The following MAP2K5 variants were observed in gnomAD, a reference collection of about 807,000 sequenced individuals.
MAP2K5 encodes dual specificity mitogen-activated protein kinase kinase 5.
In MAP2K5, 49 loss-of-function variants were observed where a neutral mutation model predicts 83.1. The ratio of observed to expected loss-of-function variants is 0.59; its 90% confidence interval spans 0.47 to 0.75. MAP2K5 has a LOEUF of 0.75. Among genes scored for constraint, MAP2K5 ranks in the 30% least tolerant of loss-of-function variants. The pLI, the probability that MAP2K5 is intolerant of heterozygous loss-of-function variation, is 0.00. For missense variants in MAP2K5, 457 were observed against 557.5 expected (o/e 0.82, Z 1.82); for synonymous variants, 202 against 191.8 (o/e 1.05, Z -0.44).
At chr15:67,643,892 A>G (rs1460691093) in intron 9 of MAP2K5, among the ~76,000 whole-genome samples, 27 of 152,216 alleles carry the variant, frequency 1.8e-4, no homozygotes, top group Admixed American at 1.7e-3. Flanking sequence ...TTTATAATGC[A>G]TAACTTATGC....
rs532498409 is a variant in MAP2K5, at chr15:67,781,206, G to A, written c.1242+8454G>A. On this transcript the variant is annotated intron_variant, in intron 21 of 21. Transcript: ENST00000178640. The surrounding 1 kb of genome is among the most constrained non-coding windows in gnomAD (Gnocchi z 4.0). ...GGGAATTGCTGTTGAAGGTAGCAAA[G>A]TTGTTTTCCTGTGAGTACACACCGA... is the stretch of plus-strand genomic sequence containing the variant. Among the ~76,000 whole-genome samples, 15 of 152,332 alleles carry A rather than the reference G, an allele frequency of 9.8e-5. No individual in the cohort carries two copies. The South Asian group carries it at 3.1e-3, about 32-fold the overall frequency.
In MAP2K5 at chr15:67,761,892, T is replaced by G. The variant is rs368087520; in HGVS notation, c.1135-7710T>G. Reference sequence around the variant, plus strand: ...ACCAGCTGAAATGCCAGTGTGTATATTAACATTATAATTTAGGTACTGGAT... The same window carrying G: ...ACCAGCTGAAATGCCAGTGTGTATAGTAACATTATAATTTAGGTACTGGAT... On this transcript the variant is annotated intron_variant, in intron 19 of 21. Coordinates refer to ENST00000178640, the MANE Select transcript of MAP2K5 (RefSeq NM_145160.3). Among the ~76,000 whole-genome samples the G allele has an allele frequency of 7.9e-5, 12 of 152,346 alleles. 1 individual carries two copies. In the East Asian group the frequency reaches 2.3e-3, roughly 29 times the overall value.
chr15:67,744,291 A>G (rs1001387694), intron 17 of MAP2K5, among the ~76,000 whole-genome samples: 2 of 152,266 alleles, frequency 1.3e-5, no homozygotes, highest in African/African-American at 2.4e-5. Context: ...AGAGCTCAAC[A>G]TTGAAAGCTA....
chr15:67,704,762 A>G (rs1167421109), intron 16 of MAP2K5, among the ~76,000 whole-genome samples: 1 of 152,216 alleles, frequency 6.6e-6, no homozygotes, highest in Non-Finnish European at 1.5e-5. Flanking sequence ...TTCAGGGGAA[A>G]CTAGTGTTTT....
In MAP2K5 at chr15:67,734,241, G is replaced by T. The variant is rs2089289870; in HGVS notation, c.1074+6296G>T. Among the ~76,000 whole-genome samples, 3 of 152,144 alleles carry T rather than the reference G, an allele frequency of 2.0e-5. No individual in the cohort carries two copies. The South Asian group carries it at 6.2e-4, about 32-fold the overall frequency. On this transcript the variant is annotated intron_variant, in intron 17 of 21. Coordinates refer to ENST00000178640, the MANE Select transcript of MAP2K5 (RefSeq NM_145160.3). ...TGATCCTTGTATTAACATGATCTAA[G>T]GTCCTTTTTATTATATGCAATCCAT...
intron 5 of MAP2K5, 46 bp from the exon 6 acceptor site, chr15:67,586,800 T>G (rs1263248819): frequency 6.4e-7 from 1 of 1,552,490 alleles, no homozygotes; most frequent in Middle Eastern, 1.7e-4. Context: ...ATTAGAACTG[T>G]GTCCTCAGAA....
At chr15:67,660,414 A>G (rs2087207487) in intron 12 of MAP2K5, among the ~76,000 whole-genome samples, 2 of 152,136 alleles carry the variant, frequency 1.3e-5, no homozygotes, top group Non-Finnish European at 2.9e-5. Context: ...AAGACTAGCA[A>G]ATTGATGGGC....
intron 8 of MAP2K5, among the ~76,000 whole-genome samples, chr15:67,604,003 T>G (rs1409498050): frequency 6.6e-6 from 1 of 152,264 alleles, no homozygotes; most frequent in Non-Finnish European, 1.5e-5. Context: ...CTTCACTTGA[T>G]GGAATTTTGG....
At position 67,764,237 on chromosome 15, in the gene MAP2K5, A is replaced by C. The variant is rs1484294048; in HGVS notation, c.1135-5365A>C. Among the ~76,000 whole-genome samples the C allele has an allele frequency of 6.6e-6, 1 of 152,156 alleles. No individual in the cohort carries two copies. Among genetic ancestry groups the C allele is most frequent in the Non-Finnish European group, 1.5e-5 (1 of 68,026 alleles). On this transcript the variant is annotated intron_variant, in intron 19 of 21. Transcript: ENST00000178640. The surrounding 1 kb of genome is among the most constrained non-coding windows in gnomAD (Gnocchi z 4.9). ...CCTTTGCTTTACTGCCAGTATGCAT[A>C]AGGTTTGAAGGAATGTCTGTTTTGT... is the stretch of plus-strand genomic sequence containing the variant.
chr15:67,736,205 G>C lies in MAP2K5; in HGVS notation c.1074+8260G>C, dbSNP rs546805389. Among the ~76,000 whole-genome samples, 23 of 152,328 alleles carry C rather than the reference G, an allele frequency of 1.5e-4. No homozygotes were observed. Among genetic ancestry groups the C allele is most frequent in the African/African-American group, 5.3e-4 (22 of 41,574 alleles). On this transcript the variant is annotated intron_variant, in intron 17 of 21. Transcript: ENST00000178640. This position sits in a 1 kb window ranked among gnomAD's most constrained non-coding sequence, Gnocchi z 4.3. ...AGCAGGGACCAGATAAAGAAATTGG[G>C]TTTGAGAATTTTGTACATCCCCTTG...
At chr15:67,648,759 A>G (rs2086890961) in intron 11 of MAP2K5, among the ~76,000 whole-genome samples, 1 of 151,418 alleles carries the variant, frequency 6.6e-6, no homozygotes, top group African/African-American at 2.4e-5. Context: ...TAAGTTTTGT[A>G]TTTTCAGTAG....
At chr15:67,642,342 A>G in intron 9 of MAP2K5, 1 of 1,167,784 alleles carries the variant, frequency 8.6e-7, no homozygotes, top group Non-Finnish European at 1.2e-6. Flanking sequence ...TGGGGGGGAT[A>G]GAAAAATGTA....
chr15:67,595,535 ATTC>A (rs2085505726), intron 7 of MAP2K5, among the ~76,000 whole-genome samples: 1 of 152,194 alleles, frequency 6.6e-6, no homozygotes, highest in Non-Finnish European at 1.5e-5. Context: ...ATAGGTACTG[ATTC>A]TTCTTAACAC....
At chr15:67,579,897 C>A (rs991360474) in intron 3 of MAP2K5, among the ~76,000 whole-genome samples, 1 of 152,164 alleles carries the variant, frequency 6.6e-6, no homozygotes, top group Non-Finnish European at 1.5e-5. Context: ...AAAGGATGTT[C>A]TGCTCTTTGA....
intron 3 of MAP2K5, among the ~76,000 whole-genome samples, chr15:67,575,248 T>A (rs1317577929): frequency 6.6e-6 from 1 of 151,738 alleles, no homozygotes; most frequent in Non-Finnish European, 1.5e-5. Flanking sequence ...GAGTGTAAAA[T>A]GAGAAGGCTA....
chr15:67,792,479 C>T (rs1675971842), intron 21 of MAP2K5, among the ~76,000 whole-genome samples: 1 of 152,124 alleles, frequency 6.6e-6, no homozygotes, highest in East Asian at 1.9e-4. Flanking sequence ...CCTGGTTTGT[C>T]ATTGTTTATC....
intron 7 of MAP2K5, among the ~76,000 whole-genome samples, chr15:67,596,995 C>A (rs1361227940): frequency 6.6e-6 from 1 of 151,806 alleles, no homozygotes; most frequent in Non-Finnish European, 1.5e-5. Flanking sequence ...CATGGTGAAA[C>A]CCCATCTCTA....
At chr15:67,800,312 G>T (rs1036506996) in intron 21 of MAP2K5, among the ~76,000 whole-genome samples, 2 of 151,086 alleles carry the variant, frequency 1.3e-5, no homozygotes, top group Admixed American at 6.6e-5. Flanking sequence ...TAGAAGTGGG[G>T]TTTTTTTTTA....
chr15:67,765,317 C>T (rs1438009857), intron 19 of MAP2K5, among the ~76,000 whole-genome samples: 1 of 152,210 alleles, frequency 6.6e-6, no homozygotes, highest in Admixed American at 6.5e-5. Context: ...CAAGATCGTG[C>T]CACTGCACTC....
Sources: gnomAD v4.1 joint callset for allele counts (sites outside exome capture counted in the v4.1 genomes callset) on GRCh38, gnomAD v4.1.1 for gene constraint, Gnocchi (gnomAD v3.1) non-coding constraint, MANE v1.5 for transcripts, NCBI Gene and HGNC (gene_info 2026-07-23, HGNC 2026-07-21) for gene names.